Variants in PPP1R9A observed in about 807,000 individuals in gnomAD.
PPP1R9A encodes protein phosphatase 1 regulatory subunit 9A.
Under a neutral mutation model 141.9 loss-of-function variants are expected in PPP1R9A, and 59 were observed. That is an observed-to-expected ratio of 0.42 (90% CI 0.34 to 0.52). PPP1R9A has a LOEUF of 0.52. PPP1R9A is among the 20% of genes least tolerant of loss of function. The pLI is 0.10. For synonymous variants in PPP1R9A, 500 were observed against 569.7 expected, an observed-to-expected ratio of 0.88 and a Z score of 1.74; for missense variants, 1,444 against 1,611.9, an observed-to-expected ratio of 0.90 and a Z score of 1.78.
chr7:95,040,878 C>T (rs1295417500), intron 2 of PPP1R9A, among the ~76,000 whole-genome samples: 1 of 152,200 alleles, frequency 6.6e-6, no homozygotes, highest in African/African-American at 2.4e-5. Flanking sequence ...AATCCTCTCT[C>T]TCCCTGCTGA....
At chr7:95,104,427 C>T (rs1425222360) in intron 2 of PPP1R9A, among the ~76,000 whole-genome samples, 2 of 152,050 alleles carry the variant, frequency 1.3e-5, no homozygotes, top group African/African-American at 4.8e-5. Flanking sequence ...GTTTTTTGCA[C>T]CTTCCAGTTA....
intron 4 of PPP1R9A, among the ~76,000 whole-genome samples, chr7:95,130,854 C>A (rs1290482552): frequency 6.6e-6 from 1 of 152,174 alleles, no homozygotes; most frequent in African/African-American, 2.4e-5. Flanking sequence ...CAGTTTCTTC[C>A]ATTTGGAACA....
chr7:95,218,375 G>C (rs986348623), intron 7 of PPP1R9A, among the ~76,000 whole-genome samples: 4 of 152,140 alleles, frequency 2.6e-5, no homozygotes, highest in African/African-American at 9.7e-5. Context: ...GCTCAGGAGG[G>C]CTTTACTTCC....
intron 2 of PPP1R9A, among the ~76,000 whole-genome samples, chr7:94,963,944 G>A (rs1797925440): frequency 6.6e-6 from 1 of 152,108 alleles, no homozygotes; most frequent in Non-Finnish European, 1.5e-5. Context: ...TTGTCTGAGT[G>A]TTTGTGTAGG....
chr7:95,226,185 A>G, intron 8 of PPP1R9A, 69 bp downstream of exon 8: 16 of 1,422,006 alleles, frequency 1.1e-5, no homozygotes, highest in Non-Finnish European at 1.5e-5. Flanking sequence ...TTCTGTTCAA[A>G]TAATATATTA....
At chr7:95,263,430 G>A (rs1420957992) in intron 12 of PPP1R9A, among the ~76,000 whole-genome samples, 1 of 144,726 alleles carries the variant, frequency 6.9e-6, no homozygotes, top group African/African-American at 2.9e-5. Context: ...TGTTGTTGCT[G>A]TTGTTGTTGT....
Position 94,958,690 on chromosome 7 carries a change from G to C in PPP1R9A, c.1395+47182G>C, listed in dbSNP as rs184936535. ...CATCAGCAATGTTAAATTAAGCTTTGAGATTGTATTCGCTCTCTTGTTACA... is the reference window on the plus strand; with the variant it reads ...CATCAGCAATGTTAAATTAAGCTTTCAGATTGTATTCGCTCTCTTGTTACA... On this transcript the variant is annotated intron_variant, in intron 2 of 19. Transcript: ENST00000433360. Among the ~76,000 whole-genome samples the C allele has an allele frequency of 1.2e-4, 18 of 152,110 alleles. No individual in the cohort carries two copies. In the East Asian group the frequency reaches 3.5e-3, roughly 29 times the overall value.
chr7:95,216,004 T>C (rs187142936), intron 7 of PPP1R9A, among the ~76,000 whole-genome samples: 270 of 152,316 alleles, frequency 1.8e-3, no homozygotes, highest in South Asian at 0.016. Context: ...ATTTTGGCTT[T>C]TGTTGCCATT....
intron 2 of PPP1R9A, among the ~76,000 whole-genome samples, chr7:95,086,125 G>A (rs186624173): frequency 6.6e-6 from 1 of 151,908 alleles, no homozygotes; most frequent in East Asian, 1.9e-4. Context: ...AACCTGCAAA[G>A]ATAGTACAGA....
chr7:95,160,118 A>G (rs943760499), intron 4 of PPP1R9A, among the ~76,000 whole-genome samples: 5 of 151,956 alleles, frequency 3.3e-5, no homozygotes, highest in South Asian at 2.1e-4. Context: ...ATGTAAAAGT[A>G]TTATACAATA....
intron 2 of PPP1R9A, among the ~76,000 whole-genome samples, chr7:95,064,781 T>C (rs2152102026): frequency 6.6e-6 from 1 of 152,348 alleles, no homozygotes; most frequent in East Asian, 1.9e-4. Flanking sequence ...TGGAATAACC[T>C]GTGTAGTCAC....
At chr7:95,129,831 C>T (rs994545701) in intron 4 of PPP1R9A, among the ~76,000 whole-genome samples, 1 of 152,126 alleles carries the variant, frequency 6.6e-6, no homozygotes, top group African/African-American at 2.4e-5. Context: ...CCCTAGAGAT[C>T]TGTGGAACTT....
intron 12 of PPP1R9A, among the ~76,000 whole-genome samples, chr7:95,264,548 A>G (rs892095844): frequency 1.5e-4 from 23 of 152,178 alleles, no homozygotes; most frequent in African/African-American, 5.1e-4. Context: ...AACAGCTGCT[A>G]AAATCATCAA....
At position 94,929,279 on chromosome 7, in the gene PPP1R9A, C is replaced by T. The variant is rs138654446; in HGVS notation, c.1395+17771C>T. Among the ~76,000 whole-genome samples, 15 of 152,182 alleles carry T rather than the reference C, an allele frequency of 9.9e-5. No homozygotes were observed. In the East Asian group the frequency reaches 2.3e-3, roughly 24 times the overall value. ...TGAATTCGCTTGGGAGAGACGGACA[C>T]GTAAGTCACAATGTACTGAGAGTTG... On this transcript the variant is annotated intron_variant, in intron 2 of 19. Transcript: ENST00000433360.
chr7:95,102,752 T>G (rs1188243976), intron 2 of PPP1R9A, among the ~76,000 whole-genome samples: 1 of 152,222 alleles, frequency 6.6e-6, no homozygotes, highest in Non-Finnish European at 1.5e-5. Flanking sequence ...TCTGCGGTCT[T>G]ATTTCTACTT....
intron 5 of PPP1R9A, among the ~76,000 whole-genome samples, chr7:95,177,658 T>G (rs1258168106): frequency 1.3e-5 from 2 of 151,446 alleles, no homozygotes; most frequent in Non-Finnish European, 2.9e-5. Context: ...ACATAAAGAC[T>G]CACATAAACT....
chr7:95,219,107 T>C (rs961089368), intron 7 of PPP1R9A, among the ~76,000 whole-genome samples: 7 of 152,168 alleles, frequency 4.6e-5, no homozygotes, highest in Admixed American at 2.6e-4. Flanking sequence ...TGGGTGGTAC[T>C]GGTTGTTCCT....
Position 95,006,255 on chromosome 7 carries a change from T to C in PPP1R9A, c.1395+94747T>C, listed in dbSNP as rs1563109579. Among the ~76,000 whole-genome samples, 4 of 152,094 alleles carry C rather than the reference T, an allele frequency of 2.6e-5. No individual in the cohort carries two copies. In the East Asian group the frequency reaches 7.7e-4, roughly 29 times the overall value. On this transcript the variant is annotated intron_variant, in intron 2 of 19. Coordinates refer to ENST00000433360, the MANE Select transcript of PPP1R9A (RefSeq NM_001166160.2). Reference sequence around the variant, plus strand: ...TTATTTGAGATGGAGTTTCACTCTTTTGCCCAGGCTGGAGTGAAGCCGCAC... The same window carrying C: ...TTATTTGAGATGGAGTTTCACTCTTCTGCCCAGGCTGGAGTGAAGCCGCAC...
chr7:95,059,392 T>G (rs1257111637), intron 2 of PPP1R9A, among the ~76,000 whole-genome samples: 1 of 152,204 alleles, frequency 6.6e-6, no homozygotes. Flanking sequence ...AATAGCTTTT[T>G]AGTCCTGTGA....
Sources: gnomAD v4.1 joint callset for allele counts (sites outside exome capture counted in the v4.1 genomes callset) on GRCh38, gnomAD v4.1.1 for gene constraint, MANE v1.5 for transcripts, NCBI Gene and HGNC (gene_info 2026-07-23, HGNC 2026-07-21) for gene names.